Variants in ZNF782 observed in about 807,000 individuals in gnomAD.
ZNF782 encodes zinc finger protein 782.
A neutral mutation model predicts 13.0 loss-of-function variants in ZNF782; 12 were observed. That is an observed-to-expected ratio of 0.92 (90% CI 0.59 to 1.50). The LOEUF (loss-of-function observed/expected upper bound fraction) is 1.50. Among genes scored for constraint, ZNF782 ranks in the 40% most tolerant of loss-of-function variants. The probability of loss-of-function intolerance (pLI) is 0.00; values close to 1 mark genes in which losing one functional copy is unlikely to be tolerated. For missense variants in ZNF782, 770 were observed against 822.9 expected (o/e 0.94, Z 0.79); for synonymous variants, 284 against 283.0 (o/e 1.00, Z -0.04).
chr9:96,839,681 T>G (rs1851130473), intron 4 of ZNF782, among the ~76,000 whole-genome samples: 1 of 152,178 alleles, frequency 6.6e-6, no homozygotes, highest in African/African-American at 2.4e-5. Flanking sequence ...CTGCTAAATT[T>G]TATTACTTTC....
chr9:96,847,194 A>T lies in ZNF782; in HGVS notation c.16-2178T>A, dbSNP rs567949926. Among the ~76,000 whole-genome samples the T allele has an allele frequency of 2.0e-5, 3 of 152,334 alleles. No homozygotes were observed. In the East Asian group the frequency reaches 5.8e-4, roughly 29 times the overall value. On this transcript the variant is annotated intron_variant, in intron 3 of 5. Transcript: ENST00000481138. Reference sequence around the variant, plus strand: ...ATATAGCAAAGCAGTGCTAAGAGAAAAGTTTATAGTGTTAAATGCCTATAT... The same window carrying T: ...ATATAGCAAAGCAGTGCTAAGAGAATAGTTTATAGTGTTAAATGCCTATAT...
the ZNF782 span, among the ~76,000 whole-genome samples, chr9:96,912,156 C>T: frequency 6.8e-6 from 1 of 146,444 alleles, no homozygotes; most frequent in East Asian, 2.0e-4. Flanking sequence ...AGCCAGGATC[C>T]GCCATCGCAC....
upstream of ZNF782, among the ~76,000 whole-genome samples, chr9:96,857,813 G>T (rs1851662595): frequency 6.6e-6 from 1 of 152,176 alleles, no homozygotes; most frequent in African/African-American, 2.4e-5. Flanking sequence ...TGATGGAAAT[G>T]GACATGAAAA....
chr9:96,819,064 T>C lies in ZNF782; in HGVS notation c.959A>G (p.Asn320Ser), dbSNP rs763035524. The change falls in exon 6 of 6, where the codon AAC becomes AGC. Residue 320 changes from asparagine (N) to serine (S), a missense_variant. Asn to Ser is a conservative substitution (Grantham distance 46, BLOSUM62 1). Transcript: ENST00000481138. ...ATGCACTGGGAGGGTTGAATTACGG[T>C]TGAAACTTTTTCCATATTCAAAGGG... is the stretch of plus-strand genomic sequence containing the variant. ...VKPFEYGKSFNRNSTLPVHQR... is the reference protein window; with the variant it reads ...VKPFEYGKSFSRNSTLPVHQR... The C allele has an allele frequency of 8.1e-6, 13 of 1,614,060 alleles. No homozygotes were observed. The Admixed American group carries it at 1.7e-4, about 21-fold the overall frequency.
intron 4 of ZNF782, 31 bp from the exon 5 acceptor site, chr9:96,827,212 T>C: frequency 6.7e-7 from 1 of 1,496,604 alleles, no homozygotes; most frequent in Non-Finnish European, 9.2e-7. Context: ...AGCATTTGCA[T>C]TAGTTGCATA....
the ZNF782 span, among the ~76,000 whole-genome samples, chr9:96,882,410 T>C: frequency 6.6e-6 from 1 of 152,310 alleles, no homozygotes; most frequent in Non-Finnish European, 1.5e-5. Flanking sequence ...CCTTTTAAGT[T>C]TGAGCACCAA....
the ZNF782 span, chr9:96,889,941 AT>A: frequency 1.3e-5 from 2 of 152,142 alleles, no homozygotes; most frequent in African/African-American, 4.8e-5. Context: ...AAAAATCCAA[AT>A]TCTTTTATTC....
intron 4 of ZNF782, among the ~76,000 whole-genome samples, chr9:96,830,782 T>G (rs1461860307): frequency 2.0e-5 from 3 of 152,092 alleles, no homozygotes; most frequent in African/African-American, 4.8e-5. Flanking sequence ...GTTAAAAATA[T>G]CTGATAAAGA....
chr9:96,906,792 C>A, the ZNF782 span, among the ~76,000 whole-genome samples: 60 of 152,248 alleles, frequency 3.9e-4, no homozygotes, highest in Middle Eastern at 6.8e-3. Context: ...ATCAACTTAA[C>A]CTTGAGCCCC....
chr9:96,818,032 T>TAGA lies in ZNF782; in HGVS notation c.1990_1991insTCT (p.His664delinsLeuTyr). On this transcript the variant is annotated protein_altering_variant, in exon 6 of 6. Transcript: ENST00000481138. ...TTTCTCCCCTGTGTGAGTTCTCTGA[T>TAGA]GTACTCTGAGATTGGATTTCTGACT... 1.2e-6 allele frequency: 2 copies of TAGA among 1,614,056 alleles called. No individual in the cohort carries two copies. Among genetic ancestry groups the TAGA allele is most frequent in the Non-Finnish European group, 1.7e-6 (2 of 1,179,938 alleles).
chr9:96,887,042 G>A, the ZNF782 span, among the ~76,000 whole-genome samples: 765 of 151,968 alleles, frequency 5.0e-3, 8 homozygotes, highest in Non-Finnish European at 5.0e-3. Context: ...GGCCGGATGC[G>A]GTGGCTCACA....
At chr9:96,875,667 G>C (rs1851883876), upstream of ZNF782, 1 of 451,814 alleles carries the variant, frequency 2.2e-6, no homozygotes, top group Non-Finnish European at 4.4e-6. Flanking sequence ...CTGCGTCCCC[G>C]GGACCTCTAG....
At chr9:96,879,806 T>C (rs984393026), upstream of ZNF782, among the ~76,000 whole-genome samples, 4 of 152,266 alleles carry the variant, frequency 2.6e-5, no homozygotes, top group African/African-American at 4.8e-5. Context: ...TGTAGTATGG[T>C]TGATATTTAT....
chr9:96,877,270 C>G (rs1466903157), upstream of ZNF782, among the ~76,000 whole-genome samples: 1 of 152,240 alleles, frequency 6.6e-6, no homozygotes, highest in African/African-American at 2.4e-5. Context: ...CGTGAACACA[C>G]CCGTGAAGCT....
chr9:96,825,845 T>C (rs1193412266), intron 5 of ZNF782, among the ~76,000 whole-genome samples: 1 of 150,684 alleles, frequency 6.6e-6, no homozygotes, highest in African/African-American at 2.4e-5. Context: ...AAAACCACAA[T>C]GAGATACCAT....
At chr9:96,867,320 C>T (rs2118875811) in intron 1 of ZNF782, among the ~76,000 whole-genome samples, 1 of 152,194 alleles carries the variant, frequency 6.6e-6, no homozygotes, top group South Asian at 2.1e-4. Flanking sequence ...AAGGAGTTTC[C>T]CTATACAAGC....
intron 1 of ZNF782, among the ~76,000 whole-genome samples, chr9:96,870,957 GT>G (rs1851818391): frequency 6.6e-6 from 1 of 152,294 alleles, no homozygotes; most frequent in East Asian, 1.9e-4. Context: ...CAGTTAGCAT[GT>G]TTGGGGTCAT....
chr9:96,821,609 G>A (rs751612957), intron 5 of ZNF782, among the ~76,000 whole-genome samples: 17 of 151,556 alleles, frequency 1.1e-4, no homozygotes, highest in Middle Eastern at 3.2e-3. Context: ...TAAAACTTAC[G>A]GCACGTGCAT....
At position 96,817,823 on chromosome 9, in the gene ZNF782, G is replaced by A. The variant is rs1166272271; in HGVS notation, c.*100C>T. The A allele has an allele frequency of 9.7e-7, 1 of 1,030,918 alleles. No individual in the cohort carries two copies. The highest frequency in any genetic ancestry group is 1.4e-6 in the Non-Finnish European group (1 of 729,308). 63.9% of individuals were successfully genotyped at this position (1,030,918 alleles called of 1,614,324 possible). A position where few individuals can be genotyped will look rare whatever the true frequency, so the allele number is the denominator to read the frequency against. On this transcript the variant is annotated 3_prime_UTR_variant, in exon 6 of 6. Transcript: ENST00000481138. ...GGCTGAAATTGTAGAGGAAATTCCA[G>A]TGCTCACTATGTTAACAGTTCTCTC...
Sources: gnomAD v4.1 joint callset for allele counts (sites outside exome capture counted in the v4.1 genomes callset) on GRCh38, gnomAD v4.1.1 for gene constraint, MANE v1.5 for transcripts, NCBI Gene and HGNC (gene_info 2026-07-23, HGNC 2026-07-21) for gene names.